The following PDZRN4 variants were observed in gnomAD, a reference collection of about 807,000 sequenced individuals.
PDZRN4 encodes the protein PDZ domain containing ring finger 4, also known as PDZ domain-containing RING finger protein 4.
Under a neutral mutation model 99.0 loss-of-function variants are expected in PDZRN4, and 70 were observed. The observed-to-expected ratio is 0.71, with a 90% CI of 0.58 to 0.86. PDZRN4 has a LOEUF of 0.86. PDZRN4 is among the 40% of genes least tolerant of loss of function. The pLI, the probability that PDZRN4 is intolerant of heterozygous loss-of-function variation, is 0.00. For missense variants in PDZRN4, 1,474 were observed against 1,331.2 expected, an observed-to-expected ratio of 1.11 and a Z score of -1.67; for synonymous variants, 551 against 501.6, an observed-to-expected ratio of 1.10 and a Z score of -1.32.
intron 3 of PDZRN4, among the ~76,000 whole-genome samples, chr12:41,244,200 G>A (rs969235517): frequency 1.3e-5 from 2 of 151,854 alleles, no homozygotes; most frequent in East Asian, 1.9e-4. Flanking sequence ...CAGTTGCTTA[G>A]GCCAAACCCT....
chr12:41,369,852 C>T (rs1176246694), intron 3 of PDZRN4, among the ~76,000 whole-genome samples: 2 of 151,758 alleles, frequency 1.3e-5, no homozygotes, highest in Non-Finnish European at 2.9e-5. Flanking sequence ...TTCACCACCC[C>T]ATCAATTCTT....
At chr12:41,425,852 A>G (rs1325820661) in intron 3 of PDZRN4, among the ~76,000 whole-genome samples, 1 of 152,180 alleles carries the variant, frequency 6.6e-6, no homozygotes, top group Admixed American at 6.6e-5. Context: ...CCCATAATGT[A>G]CAACTTATCA....
At chr12:41,429,656 T>A (rs957194375) in intron 3 of PDZRN4, among the ~76,000 whole-genome samples, 2 of 152,094 alleles carry the variant, frequency 1.3e-5, no homozygotes, top group Admixed American at 6.5e-5. Context: ...TTACTACTCA[T>A]GTGACCTATT....
intron 3 of PDZRN4, among the ~76,000 whole-genome samples, chr12:41,336,288 C>T (rs577734774): frequency 4.5e-4 from 69 of 152,180 alleles, no homozygotes; most frequent in African/African-American, 1.7e-3. Context: ...TAATGCACTG[C>T]TTTTGTGGTG....
intron 5 of PDZRN4, among the ~76,000 whole-genome samples, chr12:41,551,341 C>T (rs943806689): frequency 2.6e-5 from 4 of 152,062 alleles, no homozygotes; most frequent in African/African-American, 9.7e-5. Context: ...CCAAAGTCCC[C>T]ACCTCCTTGG....
chr12:41,251,685 ATCTATGATAAAT>A (rs551738136), intron 3 of PDZRN4, among the ~76,000 whole-genome samples: 2 of 152,312 alleles, frequency 1.3e-5, no homozygotes, highest in African/African-American at 4.8e-5. Context: ...TTTGTATATG[ATCTATGATAAAT>A]CATCCAACAT....
At chr12:41,364,820 T>A (rs972031379) in intron 3 of PDZRN4, among the ~76,000 whole-genome samples, 3 of 152,134 alleles carry the variant, frequency 2.0e-5, no homozygotes, top group African/African-American at 7.2e-5. Flanking sequence ...TAGCAGACAT[T>A]GTAATAAAGA....
At chr12:41,254,603 C>T (rs1436986861) in intron 3 of PDZRN4, among the ~76,000 whole-genome samples, 2 of 152,210 alleles carry the variant, frequency 1.3e-5, no homozygotes, top group Admixed American at 1.3e-4. Context: ...TTACCATTTC[C>T]TATGTGCCAG....
chr12:41,236,297 G>A (rs1951066304), intron 3 of PDZRN4, among the ~76,000 whole-genome samples: 1 of 152,140 alleles, frequency 6.6e-6, no homozygotes, highest in Non-Finnish European at 1.5e-5. Flanking sequence ...CTTGAAGGAA[G>A]TGGCATTTCA....
At chr12:41,381,072 A>G (rs1226481251) in intron 3 of PDZRN4, among the ~76,000 whole-genome samples, 1 of 152,118 alleles carries the variant, frequency 6.6e-6, no homozygotes, top group Admixed American at 6.6e-5. Flanking sequence ...GTTTCTGCTG[A>G]GAAATACTCT....
rs151070347 is a variant in PDZRN4 at position 41,247,229 on chromosome 12, G to A, written c.843+53041G>A. Reference sequence around the variant, plus strand: ...ACGATGTATCACAGCTGGTTGAGAAGAGAACTCTGGAAGTAAGATGCTTAT... The same window carrying A: ...ACGATGTATCACAGCTGGTTGAGAAAAGAACTCTGGAAGTAAGATGCTTAT... On this transcript the variant is annotated intron_variant, in intron 3 of 9. Transcript: ENST00000402685. 3.5e-3 allele frequency among the ~76,000 whole-genome samples: 527 copies of A among 152,250 alleles called. 7 individuals carry two copies. Among genetic ancestry groups the A allele is most frequent in the African/African-American group, 0.012 (503 of 41,536 alleles).
chr12:41,257,623 CAT>C (rs1235887724), intron 3 of PDZRN4, among the ~76,000 whole-genome samples: 1 of 152,156 alleles, frequency 6.6e-6, no homozygotes, highest in Non-Finnish European at 1.5e-5. Context: ...CCTTTGGACA[CAT>C]AGAAGAAATG....
intron 3 of PDZRN4, among the ~76,000 whole-genome samples, chr12:41,492,076 A>G (rs1937897469): frequency 6.6e-6 from 1 of 152,184 alleles, no homozygotes; most frequent in Non-Finnish European, 1.5e-5. Flanking sequence ...TGCATACAAA[A>G]TGCATGTTCT....
At position 41,188,982 on chromosome 12, in the gene PDZRN4, CGCAGCTCTGGGCGCTGCAGGGCGAGGT is replaced by C. The variant is rs1318612812; in HGVS notation, c.535_561del (p.Trp179_Leu187del). 2.3e-5 allele frequency: 34 copies of C among 1,500,262 alleles called. No individual in the cohort carries two copies. The highest frequency in any genetic ancestry group is 2.6e-5 in the Non-Finnish European group (29 of 1,128,698). 92.9% of individuals were successfully genotyped at this position (1,500,262 alleles called of 1,614,324 possible). A position where few individuals can be genotyped will look rare whatever the true frequency, so the allele number is the denominator to read the frequency against. On this transcript the variant is annotated inframe_deletion, in exon 1 of 10. Coordinates refer to ENST00000402685, the MANE Select transcript of PDZRN4 (RefSeq NM_001164595.2). ...AGGCGGCGCGAGAAGGCGCTGCTGG[CGCAGCTCTGGGCGCTGCAGGGCGAGGT>C]GCAGCTCACGGCGCGCAGGTACCAG...
chr12:41,485,024 C>T (rs541821514), intron 3 of PDZRN4, among the ~76,000 whole-genome samples: 72 of 152,266 alleles, frequency 4.7e-4, no homozygotes, highest in African/African-American at 1.7e-3. Context: ...TTTCTCCAAC[C>T]TCAGCCTCCT....
At chr12:41,241,133 T>A (rs115316004) in intron 3 of PDZRN4, among the ~76,000 whole-genome samples, 3,345 of 152,264 alleles carry the variant, frequency 0.022, 90 homozygotes, top group African/African-American at 0.064. Flanking sequence ...TGGATTTTTT[T>A]AATATATTTT....
chr12:41,416,471 C>A (rs763925164), intron 3 of PDZRN4, among the ~76,000 whole-genome samples: 112 of 152,040 alleles, frequency 7.4e-4, no homozygotes, highest in Non-Finnish European at 7.7e-4. Flanking sequence ...ATGGTGAAAC[C>A]CTGTCTCTAC....
At chr12:41,328,556 C>A (rs1951723836) in intron 3 of PDZRN4, among the ~76,000 whole-genome samples, 1 of 152,030 alleles carries the variant, frequency 6.6e-6, no homozygotes. Flanking sequence ...GCAGATTTGG[C>A]AGGTTTGTTT....
chr12:41,435,430 T>C (rs937335128), intron 3 of PDZRN4, among the ~76,000 whole-genome samples: 7 of 152,196 alleles, frequency 4.6e-5, no homozygotes, highest in Admixed American at 6.5e-5. Context: ...AACATTTTCA[T>C]TGATAGAAGG....
Sources: gnomAD v4.1 joint callset for allele counts (sites outside exome capture counted in the v4.1 genomes callset) on GRCh38, gnomAD v4.1.1 for gene constraint, MANE v1.5 for transcripts, NCBI Gene and HGNC (gene_info 2026-07-23, HGNC 2026-07-21) for gene names.